The following ZNF157 variants were observed in gnomAD, a reference collection of about 807,000 sequenced individuals.
ZNF157 encodes zinc finger protein 157.
A neutral mutation model predicts 9.4 loss-of-function variants in ZNF157; 8 were observed. The ratio of observed to expected loss-of-function variants is 0.85; its 90% confidence interval spans 0.50 to 1.53. ZNF157 has a LOEUF of 1.53. Among genes scored for constraint, ZNF157 ranks in the 40% most tolerant of loss-of-function variants. ZNF157 has a pLI of 0.00. For missense variants in ZNF157, 316 were observed against 385.2 expected (o/e 0.82, Z 1.50); for synonymous variants, 120 against 130.8 (o/e 0.92, Z 0.56).
At chrX:47,410,855 T>G (rs1453739753) in intron 3 of ZNF157, 80 bp downstream of exon 3, 1 of 784,072 alleles carries the variant, frequency 1.3e-6, no homozygotes, top group African/African-American at 2.1e-5. Flanking sequence ...GGTATGCTTG[T>G]GCAACACTTT....
chrX:47,393,815 C>T (rs1408573134), intron 1 of ZNF157, among the ~76,000 whole-genome samples: 1 of 102,940 alleles, frequency 9.7e-6, no homozygotes, highest in Non-Finnish European at 2.0e-5. Context: ...AACCACTGAC[C>T]ACTGGTGATC....
chrX:47,398,348 C>A (rs753525775), intron 1 of ZNF157, among the ~76,000 whole-genome samples: 1 of 111,651 alleles, frequency 9.0e-6, no homozygotes, highest in African/African-American at 3.2e-5. Context: ...ATTCCATGAG[C>A]ATGGTCCCAT....
At chrX:47,403,132 C>T (rs970285710) in intron 1 of ZNF157, among the ~76,000 whole-genome samples, 2 of 107,462 alleles carry the variant, frequency 1.9e-5, no homozygotes, top group African/African-American at 6.8e-5. Context: ...CACAAATTAG[C>T]TGGGTGTGGT....
chrX:47,413,181 C>T lies in ZNF157; in HGVS notation c.1108C>T (p.His370Tyr), dbSNP rs757339129. Residue 370 changes from histidine to tyrosine, a missense_variant, in exon 4 of 4, where the codon CAC becomes TAC. Transcript: ENST00000377073. ...CNECGKSFRV[H>Y]SSLGIHQRIH... ...TGAATGTGGGAAATCTTTCAGGGTG[C>T]ACTCATCTCTTGGGATCCATCAGAG... The T allele has an allele frequency of 8.3e-7, 1 of 1,210,794 alleles. No homozygotes were observed. Among genetic ancestry groups the T allele is most frequent in the South Asian group, 1.8e-5 (1 of 56,918 alleles).
intron 1 of ZNF157, among the ~76,000 whole-genome samples, chrX:47,389,148 G>T (rs1288484398): frequency 9.0e-6 from 1 of 111,316 alleles, no homozygotes; most frequent in Non-Finnish European, 1.9e-5. Flanking sequence ...TGTCATAAGT[G>T]ATATTACAGG....
intron 1 of ZNF157, among the ~76,000 whole-genome samples, chrX:47,376,679 C>T (rs73492341): frequency 0.04 from 4,405 of 111,404 alleles, 226 homozygotes; most frequent in African/African-American, 0.14. Context: ...GCATTCCCAC[C>T]AGCAATGAAT....
intron 1 of ZNF157, chrX:47,389,953 C>T (rs952364337): frequency 3.6e-5 from 4 of 111,849 alleles, no homozygotes; most frequent in African/African-American, 9.7e-5. Flanking sequence ...GTACTTGTCT[C>T]GCTACCACTG....
intron 1 of ZNF157, among the ~76,000 whole-genome samples, chrX:47,373,069 G>A (rs749927899): frequency 1.5e-4 from 13 of 86,342 alleles, no homozygotes; most frequent in African/African-American, 2.4e-4. Context: ...GTGTGGTGGC[G>A]GGCACCTGTA....
intron 1 of ZNF157, among the ~76,000 whole-genome samples, chrX:47,399,021 C>T (rs1309934799): frequency 2.7e-5 from 3 of 111,727 alleles, no homozygotes; most frequent in African/African-American, 6.5e-5. Context: ...AGGCTGGTCT[C>T]GAACTCATGA....
At chrX:47,382,271 A>T (rs1215828864) in intron 1 of ZNF157, among the ~76,000 whole-genome samples, 2 of 99,053 alleles carry the variant, frequency 2.0e-5, no homozygotes, top group African/African-American at 7.5e-5. Flanking sequence ...CCAGGGTGAA[A>T]TTCAACAGAA....
At chrX:47,408,685 G>GCCCAT (rs1188554859) in intron 1 of ZNF157, among the ~76,000 whole-genome samples, 1 of 112,003 alleles carries the variant, frequency 8.9e-6, no homozygotes, top group Non-Finnish European at 1.9e-5. Context: ...CAAAGTGCTG[G>GCCCAT]GATTACAGGC....
intron 3 of ZNF157, among the ~76,000 whole-genome samples, chrX:47,411,316 A>C (rs2055964186): frequency 1.9e-5 from 2 of 107,196 alleles, no homozygotes; most frequent in African/African-American, 6.8e-5. Flanking sequence ...GTTATTTACC[A>C]CTCTTATTTA....
intron 1 of ZNF157, among the ~76,000 whole-genome samples, chrX:47,377,484 A>G (rs374430730): frequency 9.0e-6 from 1 of 110,571 alleles, no homozygotes; most frequent in Non-Finnish European, 1.9e-5. Context: ...GAGACAGTGC[A>G]GTGGTATGAT....
At chrX:47,408,885 C>T (rs1343306313) in intron 1 of ZNF157, among the ~76,000 whole-genome samples, 1 of 111,667 alleles carries the variant, frequency 9.0e-6, no homozygotes, top group Non-Finnish European at 1.9e-5. Context: ...CCACCAGGCC[C>T]CACCTCCAAC....
chrX:47,380,987 A>C lies in ZNF157; in HGVS notation c.72+10247A>C, dbSNP rs111213555. On this transcript the variant is annotated intron_variant, in intron 1 of 3. Transcript: ENST00000377073. The stretch of plus-strand genomic sequence containing the variant: ...AAGGAGGAGCAGGAGGAGGAGGAGA[A>C]AGAGAAGGAGGAGGAGGAGGAAGAG... 1.9e-3 allele frequency among the ~76,000 whole-genome samples: 177 copies of C among 93,024 alleles called. 2 individuals carry two copies. Among genetic ancestry groups the C allele is most frequent in the African/African-American group, 6.9e-3 (169 of 24,560 alleles). 80.8% of individuals were successfully genotyped at this position (93,024 alleles called of 115,157 possible).
chrX:47,371,253 G>A (rs2055827905), intron 1 of ZNF157, among the ~76,000 whole-genome samples: 1 of 109,472 alleles, frequency 9.1e-6, no homozygotes, highest in Admixed American at 9.9e-5. Flanking sequence ...CCGGAAAATC[G>A]CTTGAACCTG....
At position 47,381,221 on chromosome X, in the gene ZNF157, A is replaced by C. The variant is rs192193851; in HGVS notation, c.72+10481A>C. On this transcript the variant is annotated intron_variant, in intron 1 of 3. Transcript: ENST00000377073. ...GAGAAGCAGCAGGAGGAGGAGCAGC[A>C]GGAGGAAGAGGAGCAGGAGGAGGAG... is the stretch of plus-strand genomic sequence containing the variant. Among the ~76,000 whole-genome samples the C allele has an allele frequency of 4.5e-5, 5 of 110,107 alleles. No homozygotes were observed. The East Asian group carries it at 1.4e-3, about 32-fold the overall frequency.
intron 1 of ZNF157, among the ~76,000 whole-genome samples, chrX:47,397,277 C>G (rs1253317634): frequency 2.2e-5 from 2 of 89,820 alleles, no homozygotes; most frequent in Admixed American, 1.3e-4. Context: ...GAGTCTCACT[C>G]TGTTGCCCAG....
At chrX:47,388,692 T>C (rs2055887582) in intron 1 of ZNF157, 3 of 156,309 alleles carry the variant, frequency 1.9e-5, no homozygotes, top group African/African-American at 6.2e-5. Context: ...CTTCTTCTGT[T>C]TACAACACAC....
Sources: allele counts gnomAD v4.1 joint callset (sites outside exome capture counted in the v4.1 genomes callset), GRCh38; gene constraint gnomAD v4.1.1; transcripts MANE v1.5; gene names NCBI Gene and HGNC (gene_info 2026-07-23, HGNC 2026-07-21).